Variants in MFSD6 observed in about 807,000 individuals in gnomAD.
MFSD6 encodes major facilitator superfamily domain-containing protein 6.
MFSD6 carries 26 observed loss-of-function variants against 56.3 expected under a neutral mutation model. That is an observed-to-expected ratio of 0.46 (90% confidence interval 0.34 to 0.64). The LOEUF is 0.64. Ranked by LOEUF, MFSD6 falls within the 30% of genes least tolerant of loss-of-function variation. The pLI is 0.01. For missense variants in MFSD6, 750 were observed against 986.2 expected (o/e 0.76, Z 3.21); for synonymous variants, 331 against 366.9 (o/e 0.90, Z 1.12).
Position 190,495,646 on chromosome 2 carries a change from T to G in MFSD6, c.1892-1793T>G, listed in dbSNP as rs1173759701. ...AACAGCATGGTACTGGTATAAAAAC[T>G]GGCCCATGGACCAATGAAACAGAAT... On this transcript the variant is annotated intron_variant, in intron 6 of 7. Coordinates refer to ENST00000392328, the MANE Select transcript of MFSD6 (RefSeq NM_017694.4). This position sits in a 1 kb window ranked among gnomAD's most constrained non-coding sequence, Gnocchi z 4.7. Among the ~76,000 whole-genome samples the G allele has an allele frequency of 6.6e-6, 1 of 152,000 alleles. No homozygotes were observed. The highest frequency in any genetic ancestry group is 1.5e-5 in the Non-Finnish European group (1 of 67,946).
In MFSD6 at chr2:190,416,884, A is replaced by G. The variant is rs1690797853; in HGVS notation, c.-54+1471A>G. On this transcript the variant is annotated intron_variant, in intron 2 of 7. Transcript: ENST00000392328. The surrounding 1 kb of genome is among the most constrained non-coding windows in gnomAD (Gnocchi z 4.1). ...TGCAACTGGGACTTCTTTTGACTCTACTTCCTAAAATGAATTTTTGATCAC... is the reference window on the plus strand; with the variant it reads ...TGCAACTGGGACTTCTTTTGACTCTGCTTCCTAAAATGAATTTTTGATCAC... 6.6e-6 allele frequency among the ~76,000 whole-genome samples: 1 copy of G among 152,186 alleles called. No homozygotes were observed. The highest frequency in any genetic ancestry group is 2.4e-5 in the African/African-American group (1 of 41,456).
intron 4 of MFSD6, among the ~76,000 whole-genome samples, chr2:190,475,003 A>C (rs1262642830): frequency 6.6e-6 from 1 of 152,238 alleles, no homozygotes; most frequent in East Asian, 1.9e-4. Flanking sequence ...AAGCCTTTGC[A>C]AAATTCAACA....
Position 190,471,733 on chromosome 2 carries a change from T to C in MFSD6, c.1630+1878T>C, listed in dbSNP as rs1374353783. ...ACTTAAATGTCCCTGTCTGACAGCT[T>C]TGAAGACAGTAGTTCTCCCAGGACG... On this transcript the variant is annotated intron_variant, in intron 4 of 7. Coordinates refer to ENST00000392328, the MANE Select transcript of MFSD6 (RefSeq NM_017694.4). The surrounding 1 kb of genome is among the most constrained non-coding windows in gnomAD (Gnocchi z 4.7). Among the ~76,000 whole-genome samples, 3 of 152,312 alleles carry C rather than the reference T, an allele frequency of 2.0e-5. No individual in the cohort carries two copies. In the East Asian group the frequency reaches 5.8e-4, roughly 29 times the overall value.
chr2:190,474,465 G>T (rs1159502016), intron 4 of MFSD6, among the ~76,000 whole-genome samples: 1 of 152,170 alleles, frequency 6.6e-6, no homozygotes, highest in Non-Finnish European at 1.5e-5. Context: ...AGAAAATCTA[G>T]AAGAAATGGA....
In MFSD6 at chr2:190,489,111, G is replaced by A. The variant is rs115672656; in HGVS notation, c.1792+293G>A. 1.2e-3 allele frequency among the ~76,000 whole-genome samples: 187 copies of A among 152,150 alleles called. No individual in the cohort carries two copies. Among genetic ancestry groups the A allele is most frequent in the Non-Finnish European group, 2.3e-3 (155 of 67,994 alleles). On this transcript the variant is annotated intron_variant, in intron 5 of 7. Transcript: ENST00000392328. This position sits in a 1 kb window ranked among gnomAD's most constrained non-coding sequence, Gnocchi z 6.6. ...CAAATGAATTAGCATGAGTGCTTTT[G>A]GTCTAAAATAAGGTACCTTAAACCT... is the stretch of plus-strand genomic sequence containing the variant.
Position 190,426,417 on chromosome 2 carries a change from T to C in MFSD6, c.-53-9560T>C, listed in dbSNP as rs1685785630. Reference sequence around the variant, plus strand: ...CTTCCATTTCTTTGCTGAGACTTTCTGTTTTTTTTGTTTTGTTTCAAGCAT... The same window carrying C: ...CTTCCATTTCTTTGCTGAGACTTTCCGTTTTTTTTGTTTTGTTTCAAGCAT... On this transcript the variant is annotated intron_variant, in intron 2 of 7. Transcript: ENST00000392328. The surrounding 1 kb of genome is among the most constrained non-coding windows in gnomAD (Gnocchi z 4.7). Among the ~76,000 whole-genome samples, 1 of 152,190 alleles carries C rather than the reference T, an allele frequency of 6.6e-6. No homozygotes were observed. Among genetic ancestry groups the C allele is most frequent in the Non-Finnish European group, 1.5e-5 (1 of 68,024 alleles).
At chr2:190,422,287 C>T (rs748102076) in intron 2 of MFSD6, among the ~76,000 whole-genome samples, 1 of 152,170 alleles carries the variant, frequency 6.6e-6, no homozygotes, top group Non-Finnish European at 1.5e-5. Context: ...GTCCTATTCC[C>T]ACTAGACTGG....
Position 190,416,670 on chromosome 2 carries a change from A to G in MFSD6, c.-54+1257A>G, listed in dbSNP as rs1248378419. Among the ~76,000 whole-genome samples the G allele has an allele frequency of 6.6e-6, 1 of 152,256 alleles. No individual in the cohort carries two copies. The highest frequency in any genetic ancestry group is 1.5e-5 in the Non-Finnish European group (1 of 68,042). On this transcript the variant is annotated intron_variant, in intron 2 of 7. Coordinates refer to ENST00000392328, the MANE Select transcript of MFSD6 (RefSeq NM_017694.4). The surrounding 1 kb of genome is among the most constrained non-coding windows in gnomAD (Gnocchi z 4.1). ...ATTGCAAAATAAGACCCAGAGTTTT[A>G]ATGAAATATCTGGAATAAAACTACA...
chr2:190,449,910 T>C (rs1010391416), intron 3 of MFSD6, among the ~76,000 whole-genome samples: 8 of 152,200 alleles, frequency 5.3e-5, no homozygotes, highest in Non-Finnish European at 1.0e-4. Context: ...ATATACCTAA[T>C]GCTAAATGAC....
rs1001973958 is a variant in MFSD6 at position 190,417,384 on chromosome 2, C to CAG, written c.-54+1973_-54+1974dup. Among the ~76,000 whole-genome samples the CAG allele has an allele frequency of 2.6e-5, 4 of 152,164 alleles. No individual in the cohort carries two copies. The highest frequency in any genetic ancestry group is 9.7e-5 in the African/African-American group (4 of 41,420). ...AAGATTGGCTCGAGGCCCCACACCA[C>CAG]AGACCCTCTGTGTACATCACCTGTG... On this transcript the variant is annotated intron_variant, in intron 2 of 7. Coordinates refer to ENST00000392328, the MANE Select transcript of MFSD6 (RefSeq NM_017694.4). The surrounding 1 kb of genome is among the most constrained non-coding windows in gnomAD (Gnocchi z 5.7).
Position 190,413,842 on chromosome 2 carries a change from G to A in MFSD6, c.-175-1450G>A, listed in dbSNP as rs894314731. ...GCCCTGCTATACTGTGGGGTGAAGA[G>A]GAGACATGGCAGTCAGGGCCCAGGA... On this transcript the variant is annotated intron_variant, in intron 1 of 7. Coordinates refer to ENST00000392328, the MANE Select transcript of MFSD6 (RefSeq NM_017694.4). This position sits in a 1 kb window ranked among gnomAD's most constrained non-coding sequence, Gnocchi z 4.1. Among the ~76,000 whole-genome samples the A allele has an allele frequency of 6.6e-6, 1 of 152,182 alleles. No homozygotes were observed. The highest frequency in any genetic ancestry group is 2.4e-5 in the African/African-American group (1 of 41,420).
chr2:190,411,979 T>C, intron 1 of MFSD6: 1 of 985,392 alleles, frequency 1.0e-6, no homozygotes, highest in Non-Finnish European at 1.2e-6. Context: ...GAGAAACCAA[T>C]TTACCTGCTG....
At position 190,416,438 on chromosome 2, in the gene MFSD6, A is replaced by T. The variant is rs1419239120; in HGVS notation, c.-54+1025A>T. ...ACAGAATATTTTATTTTAAGTGAATAGTTATTTCTTTCCTGGAGATAATGA... is the reference window on the plus strand; with the variant it reads ...ACAGAATATTTTATTTTAAGTGAATTGTTATTTCTTTCCTGGAGATAATGA... On this transcript the variant is annotated intron_variant, in intron 2 of 7. Transcript: ENST00000392328. The surrounding 1 kb of genome is among the most constrained non-coding windows in gnomAD (Gnocchi z 4.1). Among the ~76,000 whole-genome samples the T allele has an allele frequency of 1.3e-5, 2 of 152,254 alleles. No individual in the cohort carries two copies.
chr2:190,436,709 A>C lies in MFSD6; in HGVS notation c.680A>C (p.Gln227Pro), dbSNP rs561424554. 3.7e-6 allele frequency: 6 copies of C among 1,614,222 alleles called. No individual in the cohort carries two copies. The African/African-American group carries it at 8.0e-5, about 22-fold the overall frequency. ...AACATGAACAGTGAACCCACTCTGC[A>C]GCCCCAGACAGGTGAAATTACTAAC... ...APNMNSEPTL[Q>P]PQTGEITNRM... The change falls in exon 3 of 8, where the codon CAG becomes CCG. Residue 227 changes from glutamine to proline, a missense_variant. Gln to Pro is a moderately conservative substitution (Grantham distance 76). Coordinates refer to ENST00000392328, the MANE Select transcript of MFSD6 (RefSeq NM_017694.4). This position sits in a 1 kb window ranked among gnomAD's most constrained non-coding sequence, Gnocchi z 5.3.
At position 190,459,069 on chromosome 2, in the gene MFSD6, C is replaced by T. The variant is rs1025758142; in HGVS notation, c.1533-10689C>T. ...AAGCCCTTCCCATCCTTGAGTCTCA[C>T]CTGCAGCTTTGCTTCTCCAACTCCC... On this transcript the variant is annotated intron_variant, in intron 3 of 7. Coordinates refer to ENST00000392328, the MANE Select transcript of MFSD6 (RefSeq NM_017694.4). This position sits in a 1 kb window ranked among gnomAD's most constrained non-coding sequence, Gnocchi z 5.3. Among the ~76,000 whole-genome samples the T allele has an allele frequency of 1.3e-5, 2 of 152,202 alleles. No individual in the cohort carries two copies. Among genetic ancestry groups the T allele is most frequent in the African/African-American group, 4.8e-5 (2 of 41,444 alleles).
rs1384298043 is a variant in MFSD6 at position 190,454,216 on chromosome 2, T to C, written c.1533-15542T>C. On this transcript the variant is annotated intron_variant, in intron 3 of 7. Coordinates refer to ENST00000392328, the MANE Select transcript of MFSD6 (RefSeq NM_017694.4). This position sits in a 1 kb window ranked among gnomAD's most constrained non-coding sequence, Gnocchi z 4.6. ...TTGGTGGAAATATCAAATTAACTCC[T>C]TGTGGTCCTGGGATAGAGTACCTGA... 1.3e-5 allele frequency: 2 copies of C among 152,198 alleles called. No homozygotes were observed. Among genetic ancestry groups the C allele is most frequent in the African/African-American group, 2.4e-5 (1 of 41,436 alleles). 9.4% of individuals were successfully genotyped at this position (152,198 alleles called of 1,614,324 possible).
rs140748092 is a variant in MFSD6, at chr2:190,478,384, A to C, written c.1630+8529A>C. Reference sequence around the variant, plus strand: ...GTGCTGAGTATTTTGACTGCACAACAAAATCAAAATCCCTTGCCTTTGTTT... The same window carrying C: ...GTGCTGAGTATTTTGACTGCACAACCAAATCAAAATCCCTTGCCTTTGTTT... On this transcript the variant is annotated intron_variant, in intron 4 of 7. Transcript: ENST00000392328. Among the ~76,000 whole-genome samples, 793 of 152,288 alleles carry C rather than the reference A, an allele frequency of 5.2e-3. 2 individuals are homozygous for C. The highest frequency in any genetic ancestry group is 8.7e-3 in the Non-Finnish European group (590 of 68,032).
chr2:190,428,085 A>G (rs7565224), intron 2 of MFSD6, among the ~76,000 whole-genome samples: 1,732 of 152,260 alleles, frequency 0.011, 35 homozygotes, highest in African/African-American at 0.038. Context: ...TTATTTTTCC[A>G]TAAGTGGAAT....
chr2:190,487,259 T>C lies in MFSD6; in HGVS notation c.1631-1398T>C, dbSNP rs567365740. On this transcript the variant is annotated intron_variant, in intron 4 of 7. Transcript: ENST00000392328. The surrounding 1 kb of genome is among the most constrained non-coding windows in gnomAD (Gnocchi z 5.5). ...GGGAGGCTGAAGCAGGAGGATCGCT[T>C]GAACCCAGGAAGCAGAGGTTGCAGT... 5.9e-5 allele frequency among the ~76,000 whole-genome samples: 9 copies of C among 152,304 alleles called. No individual in the cohort carries two copies. In the East Asian group the frequency reaches 1.3e-3, roughly 23 times the overall value.
Sources: allele counts gnomAD v4.1 joint callset (sites outside exome capture counted in the v4.1 genomes callset), GRCh38; gene constraint gnomAD v4.1.1; non-coding constraint Gnocchi (gnomAD v3.1); transcripts MANE v1.5; gene names NCBI Gene and HGNC (gene_info 2026-07-23, HGNC 2026-07-21).